BCAS3: variants seen among roughly 807,000 people sequenced by gnomAD.
BCAS3 encodes the protein BCAS3 microtubule associated cell migration factor.
BCAS3 carries 53 observed loss-of-function variants against 116.1 expected under a neutral mutation model. That is an observed-to-expected ratio of 0.46 (90% confidence interval 0.37 to 0.57). The LOEUF (loss-of-function observed/expected upper bound fraction) is 0.57. Among genes scored for constraint, BCAS3 ranks in the 20% least tolerant of loss-of-function variants. The probability of loss-of-function intolerance (pLI) is 0.00; values close to 1 mark genes in which losing one functional copy is unlikely to be tolerated. For synonymous variants in BCAS3, 391 were observed against 408.2 expected (o/e 0.96, Z 0.51); for missense variants, 917 against 1,165.4 (o/e 0.79, Z 3.10).
chr17:61,139,429 C>T lies in BCAS3; in HGVS notation c.2425+54865C>T, dbSNP rs1206189920. ...CACATGTGTCTTCCTTCTTCAGTTT[C>T]TCAGTCTGTCGAGAGAGCATGGCTG... is the stretch of plus-strand genomic sequence containing the variant. On this transcript the variant is annotated intron_variant, in intron 22 of 23. Coordinates refer to ENST00000407086, the MANE Select transcript of BCAS3 (RefSeq NM_017679.5). The surrounding 1 kb of genome is among the most constrained non-coding windows in gnomAD (Gnocchi z 4.7). Among the ~76,000 whole-genome samples the T allele has an allele frequency of 6.6e-6, 1 of 152,188 alleles. No individual in the cohort carries two copies. The highest frequency in any genetic ancestry group is 1.5e-5 in the Non-Finnish European group (1 of 68,042).
intron 15 of BCAS3, among the ~76,000 whole-genome samples, chr17:61,009,927 A>G (rs1568110938): frequency 6.6e-6 from 1 of 152,048 alleles, no homozygotes; most frequent in East Asian, 1.9e-4. Context: ...TGTCTTTTCC[A>G]CAAATGTCCA....
chr17:61,224,180 T>G lies in BCAS3; in HGVS notation c.2425+139616T>G, dbSNP rs2082259086. ...TTCCCATTGATTTATAAGAGAAATC[T>G]TTAAGCATCTATCATGTGCATCTCT... is the stretch of plus-strand genomic sequence containing the variant. On this transcript the variant is annotated intron_variant, in intron 22 of 23. Coordinates refer to ENST00000407086, the MANE Select transcript of BCAS3 (RefSeq NM_017679.5). The surrounding 1 kb of genome is among the most constrained non-coding windows in gnomAD (Gnocchi z 5.7). Among the ~76,000 whole-genome samples, 1 of 152,256 alleles carries G rather than the reference T, an allele frequency of 6.6e-6. No individual in the cohort carries two copies. The highest frequency in any genetic ancestry group is 2.4e-5 in the African/African-American group (1 of 41,466).
At chr17:60,991,625 T>G (rs1017968408) in intron 15 of BCAS3, among the ~76,000 whole-genome samples, 9 of 152,206 alleles carry the variant, frequency 5.9e-5, no homozygotes, top group African/African-American at 1.9e-4. Context: ...TCATTGTTAT[T>G]TTATTAATTG....
intron 7 of BCAS3, among the ~76,000 whole-genome samples, chr17:60,864,064 C>T (rs904255893): frequency 3.3e-5 from 5 of 152,100 alleles, no homozygotes; most frequent in African/African-American, 1.2e-4. Context: ...TCCTGAGAAA[C>T]CTGGAAGTTA....
rs1602010511 is a variant in BCAS3, at chr17:61,224,298, G to A, written c.2425+139734G>A. 6.6e-6 allele frequency among the ~76,000 whole-genome samples: 1 copy of A among 152,160 alleles called. No homozygotes were observed. The highest frequency in any genetic ancestry group is 6.5e-5 in the Admixed American group (1 of 15,278). On this transcript the variant is annotated intron_variant, in intron 22 of 23. Coordinates refer to ENST00000407086, the MANE Select transcript of BCAS3 (RefSeq NM_017679.5). The surrounding 1 kb of genome is among the most constrained non-coding windows in gnomAD (Gnocchi z 5.7). ...GTATGACTATAAAGTGATATCAAAA[G>A]TACAGGTGAAGTTGTGGCAACATTC...
chr17:61,183,379 C>T (rs1429764788), intron 22 of BCAS3, among the ~76,000 whole-genome samples: 6 of 151,770 alleles, frequency 4.0e-5, no homozygotes, highest in East Asian at 1.9e-4. Flanking sequence ...CCCTTATCTC[C>T]GTAGTTCAAA....
At chr17:61,024,960 G>C (rs2066131537) in intron 16 of BCAS3, among the ~76,000 whole-genome samples, 1 of 152,032 alleles carries the variant, frequency 6.6e-6, no homozygotes, top group Admixed American at 6.6e-5. Context: ...ACGTAAGCCT[G>C]GACATTCCAG....
At chr17:60,775,660 G>A (rs1327124160) in intron 6 of BCAS3, among the ~76,000 whole-genome samples, 1 of 151,868 alleles carries the variant, frequency 6.6e-6, no homozygotes, top group Non-Finnish European at 1.5e-5. Flanking sequence ...ATAGTTAGCA[G>A]TAACAACCAG....
chr17:60,717,277 G>A (rs571730530), intron 5 of BCAS3, among the ~76,000 whole-genome samples: 3 of 150,366 alleles, frequency 2.0e-5, no homozygotes, highest in South Asian at 2.1e-4. Flanking sequence ...GTGCAGTGGC[G>A]TGGTTTTGGC....
chr17:61,296,578 C>T (rs1013591902), intron 22 of BCAS3, among the ~76,000 whole-genome samples: 1 of 152,204 alleles, frequency 6.6e-6, no homozygotes, highest in Non-Finnish European at 1.5e-5. Flanking sequence ...GTCCCTCTTG[C>T]AGTTATTACT....
At position 61,151,226 on chromosome 17, in the gene BCAS3, T is replaced by C. The variant is rs1046858522; in HGVS notation, c.2425+66662T>C. The stretch of plus-strand genomic sequence containing the variant: ...ATATTACACTCTAAGGCAATGTTCA[T>C]TGGAGGATTTTCGATCTTCAGATTA... On this transcript the variant is annotated intron_variant, in intron 22 of 23. Coordinates refer to ENST00000407086, the MANE Select transcript of BCAS3 (RefSeq NM_017679.5). This position sits in a 1 kb window ranked among gnomAD's most constrained non-coding sequence, Gnocchi z 4.8. Among the ~76,000 whole-genome samples, 3 of 152,218 alleles carry C rather than the reference T, an allele frequency of 2.0e-5. No individual in the cohort carries two copies. Among genetic ancestry groups the C allele is most frequent in the African/African-American group, 7.2e-5 (3 of 41,452 alleles).
At chr17:60,724,750 T>C (rs1598312446) in intron 5 of BCAS3, among the ~76,000 whole-genome samples, 1 of 150,898 alleles carries the variant, frequency 6.6e-6, no homozygotes, top group Non-Finnish European at 1.5e-5. Flanking sequence ...TTTCTTTTAG[T>C]GGGTTGTTGT....
At chr17:60,936,825 T>C (rs1455549567) in intron 13 of BCAS3, among the ~76,000 whole-genome samples, 9 of 152,228 alleles carry the variant, frequency 5.9e-5, no homozygotes, top group Non-Finnish European at 1.2e-4. Context: ...TTCACTCTGA[T>C]GGTAGTTTCT....
rs2058556422 is a variant in BCAS3, at chr17:61,363,361, G to C, written c.2426-4966G>C. Among the ~76,000 whole-genome samples the C allele has an allele frequency of 2.0e-5, 3 of 152,268 alleles. No individual in the cohort carries two copies. Among genetic ancestry groups the C allele is most frequent in the Admixed American group, 2.0e-4 (3 of 15,282 alleles). On this transcript the variant is annotated intron_variant, in intron 22 of 23. Transcript: ENST00000407086. This position sits in a 1 kb window ranked among gnomAD's most constrained non-coding sequence, Gnocchi z 4.9. ...TTCGGTAGTTGAGCAGGTAAGACTT[G>C]AACTCATTCTTAGAAAATAGTATTC...
chr17:60,856,440 G>A (rs181597162), intron 7 of BCAS3, among the ~76,000 whole-genome samples: 2 of 152,266 alleles, frequency 1.3e-5, no homozygotes, highest in East Asian at 3.9e-4. Flanking sequence ...TGTATTCCCA[G>A]CACTTTCGGG....
chr17:60,816,281 T>A (rs2049390356), intron 7 of BCAS3, among the ~76,000 whole-genome samples: 1 of 146,572 alleles, frequency 6.8e-6, no homozygotes, highest in Non-Finnish European at 1.5e-5. Flanking sequence ...TTTCTTTTCT[T>A]TTTTTTTTTT....
chr17:61,177,665 A>T (rs2079224075), intron 22 of BCAS3, among the ~76,000 whole-genome samples: 1 of 152,208 alleles, frequency 6.6e-6, no homozygotes, highest in South Asian at 2.1e-4. Flanking sequence ...ATATGTTAAA[A>T]CTTGTAAATG....
intron 14 of BCAS3, among the ~76,000 whole-genome samples, chr17:60,978,329 G>A (rs1324141173): frequency 6.7e-6 from 1 of 148,726 alleles, no homozygotes; most frequent in East Asian, 1.9e-4. Flanking sequence ...CATGTCCTTT[G>A]CCCACTTTTT....
At chr17:60,717,750 G>GT (rs1376741880) in intron 5 of BCAS3, among the ~76,000 whole-genome samples, 1 of 152,144 alleles carries the variant, frequency 6.6e-6, no homozygotes, top group East Asian at 1.9e-4. Context: ...CCAGGGACCG[G>GT]TTTTGTGGAA....
Sources: gnomAD v4.1 joint callset for allele counts (sites outside exome capture counted in the v4.1 genomes callset) on GRCh38, gnomAD v4.1.1 for gene constraint, Gnocchi (gnomAD v3.1) non-coding constraint, MANE v1.5 for transcripts, NCBI Gene and HGNC (gene_info 2026-07-23, HGNC 2026-07-21) for gene names.